Variants in TMEM117 observed in about 807,000 individuals in gnomAD.
TMEM117 encodes the protein transmembrane protein 117.
TMEM117 carries 27 observed loss-of-function variants against 52.4 expected under a neutral mutation model. The observed-to-expected ratio is 0.51, with a 90% CI of 0.38 to 0.71. The LOEUF (loss-of-function observed/expected upper bound fraction) is 0.71. Among genes scored for constraint, TMEM117 ranks in the 30% least tolerant of loss-of-function variants. TMEM117 has a pLI of 0.00. For synonymous variants in TMEM117, 215 were observed against 206.3 expected (o/e 1.04, Z -0.36); for missense variants, 556 against 630.5 (o/e 0.88, Z 1.26).
At chr12:44,029,294 G>C (rs1946594196) in intron 3 of TMEM117, among the ~76,000 whole-genome samples, 1 of 152,176 alleles carries the variant, frequency 6.6e-6, no homozygotes, top group Admixed American at 6.5e-5. Context: ...GCTAAGAATA[G>C]GTTTGGCACT....
intron 3 of TMEM117, among the ~76,000 whole-genome samples, chr12:44,057,756 T>C (rs56198335): frequency 0.16 from 24,432 of 152,140 alleles, 2,961 homozygotes; most frequent in African/African-American, 0.34. Context: ...CATTGATAAG[T>C]TGTGTGGCTC....
chr12:43,953,690 A>T (rs1004595650), intron 3 of TMEM117, among the ~76,000 whole-genome samples: 9 of 152,302 alleles, frequency 5.9e-5, no homozygotes, highest in South Asian at 2.1e-4. Context: ...AGACCCCCAC[A>T]CACAATAATA....
Position 44,311,727 on chromosome 12 carries a change from G to GTA in TMEM117, c.768+11998_768+11999dup, listed in dbSNP as rs200776386. Among the ~76,000 whole-genome samples the GTA allele has an allele frequency of 3.2e-4, 43 of 135,452 alleles. 1 individual carries two copies. Among genetic ancestry groups the GTA allele is most frequent in the African/African-American group, 7.1e-4 (25 of 35,324 alleles). 88.9% of individuals were successfully genotyped at this position (135,452 alleles called of 152,430 possible). On this transcript the variant is annotated intron_variant, in intron 6 of 7. Transcript: ENST00000266534. ...TTCAGTTAATATTAAATATATATAT[G>GTA]TATATATATATGTATATATGTGTAT...
At chr12:43,838,337 C>T (rs527520303) in intron 1 of TMEM117, among the ~76,000 whole-genome samples, 38 of 151,514 alleles carry the variant, frequency 2.5e-4, no homozygotes, top group Non-Finnish European at 4.6e-4. Flanking sequence ...GTGGGCTCTG[C>T]CTCTCCCCAC....
At chr12:43,823,663 G>A in the TMEM117 span, among the ~76,000 whole-genome samples, 2 of 151,962 alleles carry the variant, frequency 1.3e-5, no homozygotes, top group Admixed American at 6.6e-5. Flanking sequence ...ACAGGCACGC[G>A]CCACCACACC....
At chr12:43,804,713 C>A in the TMEM117 span, 1 of 529,336 alleles carries the variant, frequency 1.9e-6, no homozygotes, top group Non-Finnish European at 3.4e-6. Context: ...AAAACTTTAC[C>A]GCATAAAATA....
intron 5 of TMEM117, among the ~76,000 whole-genome samples, chr12:44,215,730 A>T (rs76788772): frequency 0.047 from 6,052 of 128,544 alleles, 255 homozygotes; most frequent in African/African-American, 0.13. Flanking sequence ...AGCTTTTTTT[A>T]AAAAAAAAAA....
rs559499834 is a variant in TMEM117, at chr12:44,049,243, T to C, written c.411-94282T>C. On this transcript the variant is annotated intron_variant, in intron 3 of 7. Transcript: ENST00000266534. ...GGAATACTACGCAGCCATAAAAAGG[T>C]ATTGAGATCATGTCTTTTGCAGGGA... Among the ~76,000 whole-genome samples the C allele has an allele frequency of 2.0e-5, 3 of 152,070 alleles. No individual in the cohort carries two copies. The East Asian group carries it at 5.8e-4, about 29-fold the overall frequency.
chr12:43,918,390 T>C (rs937791287), intron 2 of TMEM117, among the ~76,000 whole-genome samples: 14 of 152,202 alleles, frequency 9.2e-5, no homozygotes, highest in African/African-American at 2.9e-4. Context: ...TGACTTGTCT[T>C]TTTTAACTTG....
chr12:43,974,997 A>G (rs536014217), intron 3 of TMEM117, among the ~76,000 whole-genome samples: 1 of 152,294 alleles, frequency 6.6e-6, no homozygotes, highest in Non-Finnish European at 1.5e-5. Context: ...TCAAAATGCC[A>G]TTCAGCCTTT....
At chr12:44,000,821 C>T (rs895566544) in intron 3 of TMEM117, among the ~76,000 whole-genome samples, 1 of 152,140 alleles carries the variant, frequency 6.6e-6, no homozygotes, top group Admixed American at 6.6e-5. Context: ...GGCTGAGTTG[C>T]AGAGGGCCAA....
intron 3 of TMEM117, among the ~76,000 whole-genome samples, chr12:43,948,190 C>G (rs1456410212): frequency 2.0e-5 from 3 of 152,028 alleles, no homozygotes; most frequent in Non-Finnish European, 4.4e-5. Context: ...TAAAAAGGAT[C>G]AAGGCTCAGA....
chr12:44,226,453 G>A (rs902405981), intron 5 of TMEM117, among the ~76,000 whole-genome samples: 14 of 152,116 alleles, frequency 9.2e-5, no homozygotes, highest in African/African-American at 3.1e-4. Context: ...GAAGTAGGGA[G>A]AGTTTACCTC....
At chr12:43,841,016 A>G (rs1474275627) in intron 1 of TMEM117, among the ~76,000 whole-genome samples, 2 of 152,232 alleles carry the variant, frequency 1.3e-5, no homozygotes, top group Admixed American at 1.3e-4. Flanking sequence ...AGGACTAGGC[A>G]AACATTTGCA....
rs141400007 is a variant in TMEM117 at position 43,872,436 on chromosome 12, G to A, written c.277+27508G>A. 9.8e-5 allele frequency among the ~76,000 whole-genome samples: 15 copies of A among 152,332 alleles called. No homozygotes were observed. In the East Asian group the frequency reaches 2.9e-3, roughly 29 times the overall value. Reference sequence around the variant, plus strand: ...GACTGTTCGGCCAGTGGAACTCAGTGACATAGCAGGTATTAAGAAATAACT... The same window carrying A: ...GACTGTTCGGCCAGTGGAACTCAGTAACATAGCAGGTATTAAGAAATAACT... On this transcript the variant is annotated intron_variant, in intron 2 of 7. Coordinates refer to ENST00000266534, the MANE Select transcript of TMEM117 (RefSeq NM_032256.3).
intron 6 of TMEM117, among the ~76,000 whole-genome samples, chr12:44,326,390 A>G (rs1482915605): frequency 6.6e-6 from 1 of 152,136 alleles, no homozygotes; most frequent in Non-Finnish European, 1.5e-5. Flanking sequence ...TTCAAATGAG[A>G]CAGTGAAGAA....
intron 7 of TMEM117, among the ~76,000 whole-genome samples, chr12:44,380,658 T>A (rs1361115377): frequency 6.6e-6 from 1 of 152,208 alleles, no homozygotes; most frequent in Non-Finnish European, 1.5e-5. Context: ...ATAGGGTTGT[T>A]GTGAGAATTA....
At chr12:44,180,539 T>C (rs1949180942) in intron 4 of TMEM117, among the ~76,000 whole-genome samples, 1 of 123,522 alleles carries the variant, frequency 8.1e-6, no homozygotes, top group African/African-American at 3.1e-5. Flanking sequence ...GAGTGTGATA[T>C]TCCCCTTCCT....
At chr12:44,028,894 T>C (rs941388419) in intron 3 of TMEM117, among the ~76,000 whole-genome samples, 1 of 152,196 alleles carries the variant, frequency 6.6e-6, no homozygotes, top group Non-Finnish European at 1.5e-5. Flanking sequence ...CTGGTGACCA[T>C]GGAAGGTACT....
Sources: gnomAD v4.1 joint callset for allele counts (sites outside exome capture counted in the v4.1 genomes callset) on GRCh38, gnomAD v4.1.1 for gene constraint, MANE v1.5 for transcripts, NCBI Gene and HGNC (gene_info 2026-07-23, HGNC 2026-07-21) for gene names.